IFFO2: variants seen among roughly 807,000 people sequenced by gnomAD.
The protein encoded by IFFO2 is intermediate filament family orphan 2.
In IFFO2, 19 loss-of-function variants were observed where a neutral mutation model predicts 53.5. The ratio of observed to expected loss-of-function variants is 0.36; its 90% confidence interval spans 0.25 to 0.52. The LOEUF (loss-of-function observed/expected upper bound fraction) is 0.52. IFFO2 is among the 20% of genes least tolerant of loss of function. The probability of loss-of-function intolerance (pLI) is 0.94; values close to 1 mark genes in which losing one functional copy is unlikely to be tolerated. For synonymous variants in IFFO2, 303 were observed against 313.6 expected, an observed-to-expected ratio of 0.97 and a Z score of 0.36; for missense variants, 570 against 727.4, an observed-to-expected ratio of 0.78 and a Z score of 2.49.
rs1342441289 is a variant in IFFO2, at chr1:18,947,057, G to T, written c.665+8611C>A. Among the ~76,000 whole-genome samples, 1 of 152,168 alleles carries T rather than the reference G, an allele frequency of 6.6e-6. No homozygotes were observed. Among genetic ancestry groups the T allele is most frequent in the Non-Finnish European group, 1.5e-5 (1 of 68,030 alleles). On this transcript the variant is annotated intron_variant, in intron 1 of 8. Coordinates refer to ENST00000455833, the MANE Select transcript of IFFO2 (RefSeq NM_001136265.2). The surrounding 1 kb of genome is among the most constrained non-coding windows in gnomAD (Gnocchi z 5.0). ...CCAGATTCTGAGTTCTCGAGGGCAG[G>T]GGCCTGGCCCACGGTGGGTACTCAG...
rs1569838814 is a variant in IFFO2 at position 18,918,244 on chromosome 1, G to A, written c.963+118C>T. On this transcript the variant is annotated intron_variant, in intron 4 of 8. Coordinates refer to ENST00000455833, the MANE Select transcript of IFFO2 (RefSeq NM_001136265.2). This position sits in a 1 kb window ranked among gnomAD's most constrained non-coding sequence, Gnocchi z 5.2. Reference sequence around the variant, plus strand: ...CAGGGTCAGGTAGTGCTACCTCTCGGGGAAGGGGAGGGAGTGAGTGGGATG... The same window carrying A: ...CAGGGTCAGGTAGTGCTACCTCTCGAGGAAGGGGAGGGAGTGAGTGGGATG... The A allele has an allele frequency of 2.1e-6, 2 of 960,748 alleles. No homozygotes were observed. Among genetic ancestry groups the A allele is most frequent in the East Asian group, 5.3e-5 (2 of 37,804 alleles). 59.5% of individuals were successfully genotyped at this position (960,748 alleles called of 1,614,324 possible). A position where few individuals can be genotyped will look rare whatever the true frequency, so the allele number is the denominator to read the frequency against.
At chr1:18,945,361 G>C (rs983352181) in intron 1 of IFFO2, among the ~76,000 whole-genome samples, 1 of 152,118 alleles carries the variant, frequency 6.6e-6, no homozygotes, top group Non-Finnish European at 1.5e-5. Context: ...AGCAAAACGG[G>C]GGTGCCAACG....
At position 18,956,214 on chromosome 1, in the gene IFFO2, G is replaced by T; in HGVS notation, c.119C>A (p.Ser40Ter). The T allele has an allele frequency of 7.1e-7, 1 of 1,405,286 alleles. No individual in the cohort carries two copies. The highest frequency in any genetic ancestry group is 9.4e-7 in the Non-Finnish European group (1 of 1,061,072). 87.1% of individuals were successfully genotyped at this position (1,405,286 alleles called of 1,614,324 possible). Residue 40 changes from serine (S) to a stop codon, truncating the protein, a stop_gained, in exon 1 of 9, where the codon TCG (serine) becomes TAG (stop). Coordinates refer to ENST00000455833, the MANE Select transcript of IFFO2 (RefSeq NM_001136265.2). LOFTEE classifies it high-confidence loss of function. The surrounding 1 kb of genome is among the most constrained non-coding windows in gnomAD (Gnocchi z 6.4). ...GTCCCGCAGCGCCGCCGTCACCGGC[G>T]ACGGACCCGGCCCTGCCCCGCCGCC... ...GGGGGAGPGP[S>*]PVTAALRDDL...
At position 18,919,251 on chromosome 1, in the gene IFFO2, A is replaced by C. The variant is rs947724559; in HGVS notation, c.822+427T>G. ...GCACTGGCCTTTCCTGACCTCATGGAGCAACCCTGCCAAAGGCCGCTGGGC... is the reference window on the plus strand; with the variant it reads ...GCACTGGCCTTTCCTGACCTCATGGCGCAACCCTGCCAAAGGCCGCTGGGC... On this transcript the variant is annotated intron_variant, in intron 3 of 8. Coordinates refer to ENST00000455833, the MANE Select transcript of IFFO2 (RefSeq NM_001136265.2). This position sits in a 1 kb window ranked among gnomAD's most constrained non-coding sequence, Gnocchi z 4.9. Among the ~76,000 whole-genome samples the C allele has an allele frequency of 1.3e-5, 2 of 152,126 alleles. No individual in the cohort carries two copies. The highest frequency in any genetic ancestry group is 4.8e-5 in the African/African-American group (2 of 41,388).
intron 1 of IFFO2, among the ~76,000 whole-genome samples, chr1:18,943,246 G>T (rs956086251): frequency 2.0e-5 from 3 of 152,036 alleles, no homozygotes; most frequent in Admixed American, 2.0e-4. Context: ...GGGTGTAGTG[G>T]TGTGTGTCTG....
intron 2 of IFFO2, among the ~76,000 whole-genome samples, chr1:18,920,706 T>G (rs1936204352): frequency 6.6e-6 from 1 of 152,020 alleles, no homozygotes; most frequent in Non-Finnish European, 1.5e-5. Flanking sequence ...CCTTCTTGCT[T>G]GGGGGCTTAC....
rs1935925308 is a variant in IFFO2, at chr1:18,904,891, C to T, written c.*3670G>A. On this transcript the variant is annotated 3_prime_UTR_variant, in exon 9 of 9. Transcript: ENST00000455833. ...GACACAGCCGGGGCTGGGCTATGAG[C>T]ATCTTAAGCCATTTCCACTTCTGCT... 1 of 152,124 alleles carries T rather than the reference C, an allele frequency of 6.6e-6. No individual in the cohort carries two copies. The highest frequency in any genetic ancestry group is 1.5e-5 in the Non-Finnish European group (1 of 68,032). The allele number at this position is 152,124 out of a possible 1,614,324, so 9.4% of individuals were successfully genotyped here.
Position 18,905,447 on chromosome 1 carries a change from TATAA to T in IFFO2, c.*3110_*3113del, listed in dbSNP as rs1935933302. 6.6e-6 allele frequency: 1 copy of T among 152,110 alleles called. No individual in the cohort carries two copies. The highest frequency in any genetic ancestry group is 2.4e-5 in the African/African-American group (1 of 41,400). The allele number at this position is 152,110 out of a possible 1,614,324, so 9.4% of individuals were successfully genotyped here. A position where few individuals can be genotyped will look rare whatever the true frequency, so the allele number is the denominator to read the frequency against. On this transcript the variant is annotated 3_prime_UTR_variant, in exon 9 of 9. Transcript: ENST00000455833. ...AAAAATAGATGAGAGTCTCTTGCTT[TATAA>T]ATAGATTACATTTAGCTTAAGTTAC...
chr1:18,910,195 A>C, intron 8 of IFFO2, 147 bp downstream of exon 8: 2 of 872,432 alleles, frequency 2.3e-6, no homozygotes, highest in East Asian at 3.4e-5. Flanking sequence ...CACTGGATGG[A>C]TGGATGGATG....
chr1:18,911,394 C>T lies in IFFO2; in HGVS notation c.1307G>A (p.Gly436Asp). The change falls in exon 7 of 9, where the codon GGT becomes GAT. Residue 436 changes from glycine to aspartate, a missense_variant. Coordinates refer to ENST00000455833, the MANE Select transcript of IFFO2 (RefSeq NM_001136265.2). ...TRDKEYQETI[G>D]QIELELATAK... ...GTCCCGAGCCCTCACCTCGATCTGA[C>T]CTATCGTTTCCTGGTACTCCTTGTC... The T allele has an allele frequency of 6.6e-7, 1 of 1,516,494 alleles. No homozygotes were observed. Among genetic ancestry groups the T allele is most frequent in the Non-Finnish European group, 8.8e-7 (1 of 1,130,466 alleles). 93.9% of individuals were successfully genotyped at this position (1,516,494 alleles called of 1,614,324 possible).
intron 1 of IFFO2, among the ~76,000 whole-genome samples, chr1:18,938,704 C>T (rs1433983339): frequency 2.0e-5 from 3 of 152,192 alleles, no homozygotes; most frequent in Admixed American, 2.0e-4. Flanking sequence ...ACTCCCCCAC[C>T]TCACACCTAG....
At chr1:18,912,659 C>T (rs1485203535) in intron 5 of IFFO2, among the ~76,000 whole-genome samples, 2 of 152,200 alleles carry the variant, frequency 1.3e-5, no homozygotes, top group East Asian at 3.9e-4. Context: ...GGACCAGCCA[C>T]TAAGCATGCA....
intron 6 of IFFO2, 36 bp from the exon 7 acceptor site, chr1:18,911,512 T>TTTATTTAG: frequency 2.3e-6 from 1 of 438,220 alleles, no homozygotes. Context: ...GTTTATTTTA[T>TTTATTTAG]TTATTTATTT....
In IFFO2 at chr1:18,919,609, G is replaced by A; in HGVS notation, c.822+69C>T. 2.9e-6 allele frequency: 3 copies of A among 1,044,646 alleles called. No homozygotes were observed. Among genetic ancestry groups the A allele is most frequent in the Admixed American group, 4.0e-5 (2 of 49,942 alleles). 64.7% of individuals were successfully genotyped at this position (1,044,646 alleles called of 1,614,324 possible). A position where few individuals can be genotyped will look rare whatever the true frequency, so the allele number is the denominator to read the frequency against. The stretch of plus-strand genomic sequence containing the variant: ...GAAGCCGAGCCCCGGAGCCTCGGAG[G>A]GAATGAAGCATTTTGCATGATGGGT... On this transcript the variant is annotated intron_variant, in intron 3 of 8. Coordinates refer to ENST00000455833, the MANE Select transcript of IFFO2 (RefSeq NM_001136265.2). The surrounding 1 kb of genome is among the most constrained non-coding windows in gnomAD (Gnocchi z 4.9).
At chr1:18,925,026 C>T (rs757982370) in intron 1 of IFFO2, among the ~76,000 whole-genome samples, 9 of 152,110 alleles carry the variant, frequency 5.9e-5, no homozygotes, top group Admixed American at 2.0e-4. Flanking sequence ...CACTGAGAGC[C>T]GCCCCTGCCC....
rs1936019670 is a variant in IFFO2, at chr1:18,910,433, G to C, written c.1357C>G (p.Leu453Val). 6.2e-7 allele frequency: 1 copy of C among 1,613,898 alleles called. No homozygotes were observed. The highest frequency in any genetic ancestry group is 1.3e-5 in the African/African-American group (1 of 74,926). The change falls in exon 8 of 9, where the codon CTG (leucine) becomes GTG (valine). Residue 453 changes from leucine to valine, a missense_variant. Leu to Val is a conservative substitution (Grantham distance 32). Transcript: ENST00000455833. Reference sequence around the variant, plus strand: ...CTGCACATCTCCATGTACTCGTGCAGGTGTCGGTTCATGTCACTTTTGGCT... The same window carrying C: ...CTGCACATCTCCATGTACTCGTGCACGTGTCGGTTCATGTCACTTTTGGCT... ...ATAKSDMNRH[L>V]HEYMEMCSMK...
chr1:18,908,778 C>G, intron 8 of IFFO2, 112 bp from the exon 9 acceptor site: 2 of 767,216 alleles, frequency 2.6e-6, no homozygotes, highest in South Asian at 3.1e-5. Context: ...TCAGAGGGGC[C>G]TGGTCCTGAG....
intron 1 of IFFO2, among the ~76,000 whole-genome samples, chr1:18,929,006 A>T (rs1347903999): frequency 6.6e-6 from 1 of 152,160 alleles, no homozygotes; most frequent in Non-Finnish European, 1.5e-5. Flanking sequence ...GTGGTGTGGG[A>T]GCATGCATTC....
intron 1 of IFFO2, among the ~76,000 whole-genome samples, chr1:18,946,403 C>G (rs1022909853): frequency 6.7e-6 from 1 of 148,896 alleles, no homozygotes; most frequent in African/African-American, 2.5e-5. Context: ...CTGGGCTTGC[C>G]ACTTTCTTTT....
Sources: allele counts gnomAD v4.1 joint callset (sites outside exome capture counted in the v4.1 genomes callset), GRCh38; gene constraint gnomAD v4.1.1; non-coding constraint Gnocchi (gnomAD v3.1); transcripts MANE v1.5; gene names NCBI Gene and HGNC (gene_info 2026-07-23, HGNC 2026-07-21).